The following CGA variants were observed in gnomAD, a reference collection of about 807,000 sequenced individuals.
CGA encodes glycoprotein hormones, alpha polypeptide.
Under a neutral mutation model 12.0 loss-of-function variants are expected in CGA, and 4 were observed. The observed-to-expected ratio is 0.33, with a 90% CI of 0.16 to 0.76. CGA has a LOEUF of 0.76. Ranked by LOEUF, CGA falls within the 30% of genes least tolerant of loss-of-function variation. The pLI is 0.60. For synonymous variants in CGA, 60 were observed against 56.6 expected (o/e 1.06, Z -0.27); for missense variants, 102 against 143.5 (o/e 0.71, Z 1.48).
intron 1 of CGA, among the ~76,000 whole-genome samples, chr6:87,092,757 T>C (rs1188741657): frequency 7.0e-6 from 1 of 143,008 alleles, no homozygotes; most frequent in Non-Finnish European, 1.5e-5. Flanking sequence ...TTTTTTTTTT[T>C]TTTTTTTTGA....
chr6:87,088,802 T>G (rs2127754570), intron 1 of CGA: 2 of 152,322 alleles, frequency 1.3e-5, no homozygotes, highest in East Asian at 3.9e-4. Flanking sequence ...CTAGTGGGAA[T>G]ACAAAATGGT....
At chr6:87,085,918 T>A in intron 3 of CGA, 85 bp from the exon 4 acceptor site, 1 of 956,526 alleles carries the variant, frequency 1.0e-6, no homozygotes, top group Non-Finnish European at 1.7e-6. Flanking sequence ...TTACATAAAA[T>A]TGTTTGCATT....
chr6:87,089,412 T>C (rs968997202), intron 1 of CGA, among the ~76,000 whole-genome samples: 6 of 152,162 alleles, frequency 3.9e-5, no homozygotes, highest in African/African-American at 1.2e-4. Context: ...ATAAGCTGTA[T>C]AGGCGGCAGC....
At chr6:87,085,870 G>C in intron 3 of CGA, 37 bp from the exon 4 acceptor site, 5 of 1,354,394 alleles carry the variant, frequency 3.7e-6, no homozygotes, top group Non-Finnish European at 4.2e-6. Flanking sequence ...TTATAGATTA[G>C]ATGATAGATA....
chr6:87,089,619 G>A (rs1302323968), intron 1 of CGA, among the ~76,000 whole-genome samples: 1 of 152,130 alleles, frequency 6.6e-6, no homozygotes, highest in Non-Finnish European at 1.5e-5. Flanking sequence ...AAAACTTATG[G>A]TTATTTTTCA....
chr6:87,092,238 C>G (rs760899024), intron 1 of CGA, among the ~76,000 whole-genome samples: 37 of 152,196 alleles, frequency 2.4e-4, no homozygotes, highest in Admixed American at 1.4e-3. Context: ...GTGACCTTGT[C>G]ACTCCCACGT....
chr6:87,088,815 A>G (rs1238224541), intron 1 of CGA: 2 of 152,238 alleles, frequency 1.3e-5, no homozygotes, highest in African/African-American at 4.8e-5. Context: ...AAAATGGTAC[A>G]GCCACTCTGG....
intron 2 of CGA, chr6:87,086,698 A>G (rs1255123116): frequency 2.8e-6 from 1 of 351,086 alleles, no homozygotes; most frequent in Non-Finnish European, 5.1e-6. Context: ...GGGCAGAAGA[A>G]TCGCTTGAAG....
chr6:87,090,709 C>A (rs757146243), intron 1 of CGA, among the ~76,000 whole-genome samples: 2 of 144,004 alleles, frequency 1.4e-5, no homozygotes, highest in Non-Finnish European at 3.0e-5. Context: ...GCAGTCTTGG[C>A]TCACTGCAAC....
intron 1 of CGA, among the ~76,000 whole-genome samples, chr6:87,094,343 C>A (rs1431403619): frequency 6.6e-6 from 1 of 152,132 alleles, no homozygotes; most frequent in Non-Finnish European, 1.5e-5. Context: ...CTAAGATAAC[C>A]AAGGTTAGCT....
At chr6:87,089,015 A>G (rs1456180364) in intron 1 of CGA, 1 of 152,218 alleles carries the variant, frequency 6.6e-6, no homozygotes, top group Non-Finnish European at 1.5e-5. Context: ...CAGAAGGTGA[A>G]TGGTCATACA....
chr6:87,092,465 A>T (rs1251996455), intron 1 of CGA, among the ~76,000 whole-genome samples: 1 of 151,794 alleles, frequency 6.6e-6, no homozygotes, highest in Non-Finnish European at 1.5e-5. Flanking sequence ...GTGAACTGGG[A>T]TCGAGCCACT....
At chr6:87,093,306 G>A (rs142545215) in intron 1 of CGA, among the ~76,000 whole-genome samples, 1 of 152,248 alleles carries the variant, frequency 6.6e-6, no homozygotes, top group African/African-American at 2.4e-5. Flanking sequence ...TGCTGTTTCA[G>A]TTATCTTGTC....
At chr6:87,088,472 T>A (rs577821152) in intron 1 of CGA, among the ~76,000 whole-genome samples, 1 of 152,184 alleles carries the variant, frequency 6.6e-6, no homozygotes, top group South Asian at 2.1e-4. Flanking sequence ...TTACAAAAAA[T>A]TCTCTTTTTA....
chr6:87,091,616 A>G (rs1224408496), intron 1 of CGA, among the ~76,000 whole-genome samples: 1 of 152,180 alleles, frequency 6.6e-6, no homozygotes, highest in East Asian at 1.9e-4. Flanking sequence ...ACACACCAAC[A>G]TACCCTTATA....
At chr6:87,092,231 A>G (rs922802683) in intron 1 of CGA, among the ~76,000 whole-genome samples, 4 of 152,114 alleles carry the variant, frequency 2.6e-5, no homozygotes, top group Non-Finnish European at 4.4e-5. Context: ...TTGCAGTGTG[A>G]CCTTGTCACT....
chr6:87,093,937 C>T (rs755719133), intron 1 of CGA, among the ~76,000 whole-genome samples: 4 of 152,166 alleles, frequency 2.6e-5, no homozygotes, highest in Non-Finnish European at 4.4e-5. Flanking sequence ...TGAAAAACCA[C>T]GAACCTTTTA....
chr6:87,092,543 A>G (rs536498211), intron 1 of CGA, among the ~76,000 whole-genome samples: 168 of 150,760 alleles, frequency 1.1e-3, no homozygotes, highest in Middle Eastern at 3.4e-3. Flanking sequence ...GAGAGAGAGA[A>G]AGAAAGAAAA....
chr6:87,086,445 A>AG lies in CGA; in HGVS notation c.89-12_89-11insC. On this transcript the variant is annotated splice_polypyrimidine_tract_variant and intron_variant, in intron 2 of 3. Coordinates refer to ENST00000627148, the MANE Select transcript of CGA (RefSeq NM_000735.4). ...TGCATTCTGGGCAATCTATCAGGGA[A>AG]AAAAAAAGGCAGAGTAAAATATCCA... The AG allele has an allele frequency of 6.3e-7, 1 of 1,582,786 alleles. No homozygotes were observed. Among genetic ancestry groups the AG allele is most frequent in the Non-Finnish European group, 8.6e-7 (1 of 1,168,944 alleles).
Sources: allele counts gnomAD v4.1 joint callset (sites outside exome capture counted in the v4.1 genomes callset), GRCh38; gene constraint gnomAD v4.1.1; transcripts MANE v1.5; gene names NCBI Gene and HGNC (gene_info 2026-07-23, HGNC 2026-07-21).